NALF1: variants seen among roughly 807,000 people sequenced by gnomAD.
The protein encoded by NALF1 is NALCN channel auxiliary factor 1.
Under a neutral mutation model 48.4 loss-of-function variants are expected in NALF1, and 3 were observed. That is an observed-to-expected ratio of 0.06 (90% confidence interval 0.03 to 0.16). NALF1 has a LOEUF of 0.16. Ranked by LOEUF, NALF1 falls within the 10% of genes least tolerant of loss-of-function variation. The pLI is 1.00. For synonymous variants in NALF1, 262 were observed against 245.7 expected, an observed-to-expected ratio of 1.07 and a Z score of -0.62; for missense variants, 526 against 571.5, an observed-to-expected ratio of 0.92 and a Z score of 0.81.
At chr13:107,566,739 C>T (rs913159055) in intron 1 of NALF1, among the ~76,000 whole-genome samples, 1 of 152,024 alleles carries the variant, frequency 6.6e-6, no homozygotes, top group African/African-American at 2.4e-5. Flanking sequence ...TATTTTTTTC[C>T]GATTTCCAAT....
intron 1 of NALF1, among the ~76,000 whole-genome samples, chr13:107,472,662 G>T (rs1885119316): frequency 6.6e-6 from 1 of 152,228 alleles, no homozygotes; most frequent in African/African-American, 2.4e-5. Flanking sequence ...AGGCCTCCAA[G>T]TTATTCAGCT....
At chr13:107,236,747 C>T (rs1880358044) in intron 1 of NALF1, among the ~76,000 whole-genome samples, 1 of 151,518 alleles carries the variant, frequency 6.6e-6, no homozygotes, top group Non-Finnish European at 1.5e-5. Flanking sequence ...CATCTACAGT[C>T]ATCCCTCCAT....
chr13:107,839,883 C>T (rs1879998611), intron 1 of NALF1, among the ~76,000 whole-genome samples: 1 of 152,066 alleles, frequency 6.6e-6, no homozygotes, highest in South Asian at 2.1e-4. Context: ...ATTCAGTTTG[C>T]ACTTAAACTT....
chr13:107,569,387 A>G (rs1005714433), intron 1 of NALF1, among the ~76,000 whole-genome samples: 14 of 151,878 alleles, frequency 9.2e-5, no homozygotes, highest in Non-Finnish European at 1.8e-4. Context: ...CAGGAGAATG[A>G]CGTGAACCCG....
chr13:107,739,849 C>T (rs1876582538), intron 1 of NALF1, among the ~76,000 whole-genome samples: 1 of 152,152 alleles, frequency 6.6e-6, no homozygotes, highest in African/African-American at 2.4e-5. Flanking sequence ...GAAGCGCAAA[C>T]CCTATTGTAA....
In NALF1 at chr13:107,317,956, TAGAA is replaced by T. The variant is rs138069199; in HGVS notation, c.916-107205_916-107202del. 4.2e-3 allele frequency among the ~76,000 whole-genome samples: 641 copies of T among 152,146 alleles called. 3 individuals carry two copies. The highest frequency in any genetic ancestry group is 0.015 in the African/African-American group (616 of 41,550). On this transcript the variant is annotated intron_variant, in intron 1 of 2. Coordinates refer to ENST00000375915, the MANE Select transcript of NALF1 (RefSeq NM_001080396.3). ...GTTAAATTTTTGGAATAAAAATGCT[TAGAA>T]AGCATTCAAAATCCAGTAGCATCAG... is the stretch of plus-strand genomic sequence containing the variant.
At position 107,289,505 on chromosome 13, in the gene NALF1, T is replaced by C. The variant is rs1057328598; in HGVS notation, c.916-78750A>G. 5.9e-5 allele frequency among the ~76,000 whole-genome samples: 9 copies of C among 152,224 alleles called. No individual in the cohort carries two copies. The East Asian group carries it at 1.3e-3, about 23-fold the overall frequency. ...GTAAGTAAGTAATATATTACAGAGG[T>C]ATACCATGTATGTTAGGGTATGATA... On this transcript the variant is annotated intron_variant, in intron 1 of 2. Coordinates refer to ENST00000375915, the MANE Select transcript of NALF1 (RefSeq NM_001080396.3).
intron 1 of NALF1, among the ~76,000 whole-genome samples, chr13:107,805,208 C>A (rs1474444912): frequency 1.3e-5 from 2 of 152,116 alleles, no homozygotes; most frequent in Non-Finnish European, 2.9e-5. Context: ...ACATTAAGTA[C>A]ATTTTACTGT....
rs368334281 is a variant in NALF1 at position 107,604,857 on chromosome 13, A to T, written c.915+260825T>A. On this transcript the variant is annotated intron_variant, in intron 1 of 2. Transcript: ENST00000375915. ...ATCAGCAAGTCCCCCTCTCAATCTC[A>T]TGTTAGCCATGAGATCGTGATAATA... Among the ~76,000 whole-genome samples, 8 of 152,050 alleles carry T rather than the reference A, an allele frequency of 5.3e-5. No individual in the cohort carries two copies. In the East Asian group the frequency reaches 9.7e-4, roughly 18 times the overall value.
intron 1 of NALF1, among the ~76,000 whole-genome samples, chr13:107,723,448 C>T (rs1360538087): frequency 6.6e-6 from 1 of 152,138 alleles, no homozygotes; most frequent in Non-Finnish European, 1.5e-5. Context: ...ATACGGTATA[C>T]ACACACATTT....
chr13:107,652,591 A>C (rs1880474763), intron 1 of NALF1, among the ~76,000 whole-genome samples: 1 of 152,058 alleles, frequency 6.6e-6, no homozygotes, highest in African/African-American at 2.4e-5. Context: ...CCCACATGTA[A>C]AATGAATCCA....
At chr13:107,517,821 G>T (rs1274669049) in intron 1 of NALF1, among the ~76,000 whole-genome samples, 1 of 152,076 alleles carries the variant, frequency 6.6e-6, no homozygotes, top group Non-Finnish European at 1.5e-5. Flanking sequence ...CAGGCCTGGT[G>T]ATGCATGACT....
intron 1 of NALF1, among the ~76,000 whole-genome samples, chr13:107,764,379 ATATAT>A (rs1252304924): frequency 2.6e-5 from 4 of 152,128 alleles, no homozygotes; most frequent in African/African-American, 7.2e-5. Context: ...TTGTATGTGT[ATATAT>A]TATATATGTG....
chr13:107,393,078 G>A (rs754473209), intron 1 of NALF1, among the ~76,000 whole-genome samples: 2 of 152,096 alleles, frequency 1.3e-5, no homozygotes, highest in African/African-American at 2.4e-5. Context: ...TCCAGAGGAG[G>A]AAAGGAAGCA....
intron 1 of NALF1, among the ~76,000 whole-genome samples, chr13:107,797,967 C>A (rs1878484603): frequency 6.6e-6 from 1 of 152,058 alleles, no homozygotes. Flanking sequence ...AATTTGAAAG[C>A]AATTTGAACC....
intron 2 of NALF1, among the ~76,000 whole-genome samples, chr13:107,197,329 C>T (rs1879412570): frequency 6.6e-6 from 1 of 152,090 alleles, no homozygotes; most frequent in East Asian, 1.9e-4. Flanking sequence ...TCTTAATGTA[C>T]CCTAAATACG....
intron 1 of NALF1, among the ~76,000 whole-genome samples, chr13:107,480,362 C>A (rs1380676973): frequency 6.6e-6 from 1 of 152,130 alleles, no homozygotes; most frequent in African/African-American, 2.4e-5. Context: ...TCACTAACTT[C>A]TTCATTTATT....
At chr13:107,360,539 C>G (rs1883043410) in intron 1 of NALF1, among the ~76,000 whole-genome samples, 1 of 152,036 alleles carries the variant, frequency 6.6e-6, no homozygotes, top group Admixed American at 6.6e-5. Context: ...TAAATGAGCC[C>G]TCACTTATCA....
intron 1 of NALF1, among the ~76,000 whole-genome samples, chr13:107,310,628 T>G (rs1210800646): frequency 6.6e-6 from 1 of 152,018 alleles, no homozygotes; most frequent in Non-Finnish European, 1.5e-5. Flanking sequence ...TATTGAGTTA[T>G]GGACACATAT....
Sources: allele counts gnomAD v4.1 joint callset (sites outside exome capture counted in the v4.1 genomes callset), GRCh38; gene constraint gnomAD v4.1.1; transcripts MANE v1.5; gene names NCBI Gene and HGNC (gene_info 2026-07-23, HGNC 2026-07-21).